Variants in ESRRG observed in about 807,000 individuals in gnomAD.
The protein encoded by ESRRG is estrogen related receptor gamma, also known as estrogen-related receptor gamma.
A neutral mutation model predicts 44.0 loss-of-function variants in ESRRG; 13 were observed. That is an observed-to-expected ratio of 0.30 (90% CI 0.19 to 0.47). The LOEUF (loss-of-function observed/expected upper bound fraction) is 0.47. Ranked by LOEUF, ESRRG falls within the 20% of genes least tolerant of loss-of-function variation. The pLI is 1.00. For missense variants in ESRRG, 395 were observed against 580.6 expected, an observed-to-expected ratio of 0.68 and a Z score of 3.29; for synonymous variants, 215 against 214.6, an observed-to-expected ratio of 1.00 and a Z score of -0.02.
chr1:216,637,963 C>A (rs1033197072), intron 3 of ESRRG, among the ~76,000 whole-genome samples: 5 of 151,432 alleles, frequency 3.3e-5, no homozygotes, highest in Non-Finnish European at 5.9e-5. Flanking sequence ...TTCCTGCACC[C>A]AAATTACAAA....
At chr1:216,740,261 A>G (rs1362235704) in intron 2 of ESRRG, among the ~76,000 whole-genome samples, 1 of 152,200 alleles carries the variant, frequency 6.6e-6, no homozygotes, top group Non-Finnish European at 1.5e-5. Context: ...GATGTTCCCA[A>G]TTTAGTCTGG....
rs1419371099 is a variant in ESRRG, at chr1:216,588,374, C to A, written c.590-20276G>T. On this transcript the variant is annotated intron_variant, in intron 3 of 6. Transcript: ENST00000408911. ...GAGCTACTACAACAAACAACAACAACAAAGCCAAGGCAATCTGGACTGTTT... is the reference window on the plus strand; with the variant it reads ...GAGCTACTACAACAAACAACAACAAAAAAGCCAAGGCAATCTGGACTGTTT... Among the ~76,000 whole-genome samples, 4 of 152,140 alleles carry A rather than the reference C, an allele frequency of 2.6e-5. No individual in the cohort carries two copies. In the East Asian group the frequency reaches 7.7e-4, roughly 29 times the overall value.
chr1:216,876,042 T>TG (rs1255383323), intron 2 of ESRRG, among the ~76,000 whole-genome samples: 1 of 152,194 alleles, frequency 6.6e-6, no homozygotes, highest in Non-Finnish European at 1.5e-5. Context: ...TTATGACCAA[T>TG]GTAATCACTG....
At chr1:216,835,768 C>A (rs895372997) in intron 2 of ESRRG, among the ~76,000 whole-genome samples, 1 of 152,100 alleles carries the variant, frequency 6.6e-6, no homozygotes, top group African/African-American at 2.4e-5. Context: ...CTACCAGGAA[C>A]GGGAGTCAGG....
chr1:216,895,038 T>C (rs999564607), intron 2 of ESRRG, among the ~76,000 whole-genome samples: 7 of 152,220 alleles, frequency 4.6e-5, no homozygotes, highest in African/African-American at 1.7e-4. Flanking sequence ...CCATGCAAAT[T>C]GGGCTGGGGG....
intron 1 of ESRRG, among the ~76,000 whole-genome samples, chr1:217,026,912 C>CACACACACACAGCGAGAGAGAGAG (rs1255637839): frequency 1.1e-5 from 1 of 93,414 alleles, no homozygotes; most frequent in South Asian, 4.1e-4. Flanking sequence ...CACACACACA[C>CACACACACACAGCGAGAGAGAGAG]AGAGAGAGAG....
In ESRRG at chr1:216,787,721, C is replaced by T. The variant is rs189786201; in HGVS notation, c.-13-110230G>A. 4.6e-5 allele frequency among the ~76,000 whole-genome samples: 7 copies of T among 151,870 alleles called. No homozygotes were observed. The East Asian group carries it at 9.7e-4, about 21-fold the overall frequency. ...AAATGGTTAAGCTTAGTGAGGAAGG[C>T]ATGTTGAAAACCAAGATAGGCCATA... On this transcript the variant is annotated intron_variant, in intron 2 of 7. Transcript: ENST00000359162.
At chr1:216,984,724 T>C (rs1039964372) in intron 1 of ESRRG, among the ~76,000 whole-genome samples, 5 of 152,164 alleles carry the variant, frequency 3.3e-5, no homozygotes, top group African/African-American at 9.7e-5. Flanking sequence ...GGAGAGTTAT[T>C]TGCATAATCC....
intron 2 of ESRRG, among the ~76,000 whole-genome samples, chr1:216,801,630 T>C (rs960440118): frequency 2.0e-5 from 3 of 152,178 alleles, no homozygotes; most frequent in Non-Finnish European, 2.9e-5. Flanking sequence ...AGGATAGCCA[T>C]CCTAACAGGT....
chr1:217,020,225 A>T (rs1349069736), intron 1 of ESRRG, among the ~76,000 whole-genome samples: 2 of 152,242 alleles, frequency 1.3e-5, no homozygotes, highest in Non-Finnish European at 2.9e-5. Flanking sequence ...AGGAGAGCCG[A>T]TATCACAGTA....
chr1:217,118,247 C>T (rs1346467162), intron 1 of ESRRG, among the ~76,000 whole-genome samples: 1 of 152,228 alleles, frequency 6.6e-6, no homozygotes. Flanking sequence ...CAGTCTGATT[C>T]TGAATCCTGG....
At chr1:216,966,574 T>C (rs10492954) in intron 1 of ESRRG, among the ~76,000 whole-genome samples, 52,125 of 152,030 alleles carry the variant, frequency 0.34, 10,661 homozygotes, top group Non-Finnish European at 0.47. Context: ...AATTTAGATA[T>C]ATAGGCATCT....
chr1:216,958,045 T>C (rs1490298184), intron 1 of ESRRG, among the ~76,000 whole-genome samples: 1 of 152,016 alleles, frequency 6.6e-6, no homozygotes, highest in Non-Finnish European at 1.5e-5. Flanking sequence ...CGCACCACCA[T>C]GTGTCCCTGG....
At chr1:216,645,417 A>G (rs1402467068) in intron 3 of ESRRG, among the ~76,000 whole-genome samples, 1 of 152,132 alleles carries the variant, frequency 6.6e-6, no homozygotes, top group Admixed American at 6.5e-5. Flanking sequence ...TAGGCATTAT[A>G]TCATTTTTAA....
chr1:216,950,714 T>C (rs1472346188), intron 1 of ESRRG, among the ~76,000 whole-genome samples: 2 of 152,204 alleles, frequency 1.3e-5, no homozygotes, highest in African/African-American at 4.8e-5. Flanking sequence ...GCAATGATTA[T>C]CTATTTGTGA....
intron 1 of ESRRG, among the ~76,000 whole-genome samples, chr1:217,110,388 C>A (rs2092648021): frequency 6.6e-6 from 1 of 152,214 alleles, no homozygotes; most frequent in African/African-American, 2.4e-5. Context: ...TTGCTCACAA[C>A]CATAGCAAAC....
At chr1:217,136,029 G>T (rs1172692873) in intron 1 of ESRRG, among the ~76,000 whole-genome samples, 1 of 152,168 alleles carries the variant, frequency 6.6e-6, no homozygotes, top group Non-Finnish European at 1.5e-5. Flanking sequence ...TACAGTAGTG[G>T]TGTTAATTTT....
At chr1:217,017,373 A>G (rs971762171) in intron 1 of ESRRG, among the ~76,000 whole-genome samples, 1 of 150,820 alleles carries the variant, frequency 6.6e-6, no homozygotes, top group Non-Finnish European at 1.5e-5. Flanking sequence ...GTTATTATTC[A>G]TGCTGCTGTC....
intron 1 of ESRRG, among the ~76,000 whole-genome samples, chr1:217,039,645 C>T (rs1428607049): frequency 2.6e-5 from 4 of 152,154 alleles, no homozygotes; most frequent in East Asian, 1.9e-4. Context: ...ATGGGAGCCA[C>T]AAGATAAGAT....
Sources: gnomAD v4.1 joint callset for allele counts (sites outside exome capture counted in the v4.1 genomes callset) on GRCh38, gnomAD v4.1.1 for gene constraint, MANE v1.5 for transcripts, NCBI Gene and HGNC (gene_info 2026-07-23, HGNC 2026-07-21) for gene names.